The following RIPOR3 variants were observed in gnomAD, a reference collection of about 807,000 sequenced individuals.
RIPOR3 encodes the protein family with sequence similarity 65 member C.
Under a neutral mutation model 114.3 loss-of-function variants are expected in RIPOR3, and 95 were observed. The observed-to-expected ratio is 0.83, with a 90% CI of 0.70 to 0.99. The LOEUF (loss-of-function observed/expected upper bound fraction) is 0.99, where lower values mean the gene tolerates loss of function less well. Ranked by LOEUF, RIPOR3 falls within the 50% of genes least tolerant of loss-of-function variation. The pLI, the probability that RIPOR3 is intolerant of heterozygous loss-of-function variation, is 0.00. For synonymous variants in RIPOR3, 575 were observed against 543.8 expected, an observed-to-expected ratio of 1.06 and a Z score of -0.80; for missense variants, 1,252 against 1,266.9, an observed-to-expected ratio of 0.99 and a Z score of 0.18.
At chr20:50,628,197 C>G (rs1453321313) in intron 2 of RIPOR3, among the ~76,000 whole-genome samples, 1 of 152,188 alleles carries the variant, frequency 6.6e-6, no homozygotes, top group African/African-American at 2.4e-5. Context: ...GTGCCTTTCT[C>G]AGGCAGCACC....
intron 1 of RIPOR3, among the ~76,000 whole-genome samples, chr20:50,658,803 G>A (rs549960812): frequency 6.6e-6 from 1 of 152,288 alleles, no homozygotes; most frequent in East Asian, 1.9e-4. Flanking sequence ...AAGGCTCAGA[G>A]AGATGAAACA....
intron 1 of RIPOR3, among the ~76,000 whole-genome samples, chr20:50,666,221 T>TCCCTTTCCCTTTCCCTTTCC (rs2086227145): frequency 1.5e-5 from 2 of 130,248 alleles, no homozygotes; most frequent in African/African-American, 6.1e-5. Flanking sequence ...TCTTTTCTTT[T>TCCCTTTCCCTTTCCCTTTCC]CTTTTTTGAG....
rs747564128 is a variant in RIPOR3 at position 50,608,654 on chromosome 20, TCTC to T, written c.766_768del (p.Glu256del). 1.9e-6 allele frequency: 3 copies of T among 1,613,890 alleles called. No homozygotes were observed. The highest frequency in any genetic ancestry group is 2.5e-6 in the Non-Finnish European group (3 of 1,179,918). On this transcript the variant is annotated inframe_deletion, in exon 10 of 22. Coordinates refer to ENST00000327979, the MANE Select transcript of RIPOR3 (RefSeq NM_001290268.2). ...TCATGCAGCGTGGGGATGAAGGCCTTCTCCTCTTCGTCCCAGGTCTGGCTGTCA... is the reference window on the plus strand; with the variant it reads ...TCATGCAGCGTGGGGATGAAGGCCTTCTCTTCGTCCCAGGTCTGGCTGTCA...
intron 11 of RIPOR3, among the ~76,000 whole-genome samples, chr20:50,607,493 CAGA>C: frequency 6.6e-6 from 1 of 152,282 alleles, no homozygotes; most frequent in Middle Eastern, 3.4e-3. Context: ...CTGGCCTGAC[CAGA>C]AGGCCTAGAG....
At chr20:50,608,988 C>T in intron 8 of RIPOR3, 33 bp from the exon 9 acceptor site, 5 of 1,557,454 alleles carry the variant, frequency 3.2e-6, no homozygotes, top group South Asian at 1.2e-5. Flanking sequence ...CTCCCCTCCG[C>T]CTTCCACTCT....
chr20:50,611,154 C>T, intron 5 of RIPOR3, 27 bp downstream of exon 5: 2 of 1,614,168 alleles, frequency 1.2e-6, no homozygotes, highest in South Asian at 1.1e-5. Context: ...AGGCCCAGCC[C>T]ACCTCACTCA....
At chr20:50,643,573 T>TG (rs2123343889) in intron 1 of RIPOR3, among the ~76,000 whole-genome samples, 1 of 152,144 alleles carries the variant, frequency 6.6e-6, no homozygotes, top group Admixed American at 6.5e-5. Flanking sequence ...CAGGACCCCC[T>TG]GAGGCTATGT....
Position 50,604,771 on chromosome 20 carries a change from C to T in RIPOR3, c.960G>A (p.Pro320=), listed in dbSNP as rs376340592. 30 of 1,607,602 alleles carry T rather than the reference C, an allele frequency of 1.9e-5. No individual in the cohort carries two copies. The highest frequency in any genetic ancestry group is 8.6e-5 in the Admixed American group (5 of 58,206). The change falls in exon 12 of 22, where the codon CCG becomes CCA. Residue 320 remains proline, a synonymous_variant. Coordinates refer to ENST00000327979, the MANE Select transcript of RIPOR3 (RefSeq NM_001290268.2). ...IKLQLEVQWN[P]FDTESFLVSP... ...ACACCAGGAAGCTCTCAGTATCAAA[C>T]GGGCTGGAGGAGAGAACAGAAGGTC...
At chr20:50,634,591 A>G (rs1200762476) in intron 1 of RIPOR3, among the ~76,000 whole-genome samples, 1 of 152,204 alleles carries the variant, frequency 6.6e-6, no homozygotes, top group Non-Finnish European at 1.5e-5. Flanking sequence ...CCAGAAAACA[A>G]TGAAGGAAAG....
intron 2 of RIPOR3, among the ~76,000 whole-genome samples, chr20:50,629,472 CG>C (rs1489633212): frequency 2.6e-5 from 4 of 152,186 alleles, no homozygotes; most frequent in South Asian, 2.1e-4. Context: ...CTGAGCTCAT[CG>C]GGCTGTGGCC....
rs139735596 is a variant in RIPOR3, at chr20:50,620,072, G to A, written c.183C>T (p.Tyr61=). 1.3e-4 allele frequency: 207 copies of A among 1,614,144 alleles called. 1 individual carries two copies. The African/African-American group carries it at 2.1e-3, about 17-fold the overall frequency. Residue 61 remains tyrosine, a synonymous_variant, in exon 3 of 22, where the codon TAC becomes TAT. Transcript: ENST00000327979. Reference sequence around the variant, plus strand: ...AGACCGACCCCTTCCGCAGCGTGCCGTACATCTTGGAGGATTTTGCAGGCA... The same window carrying A: ...AGACCGACCCCTTCCGCAGCGTGCCATACATCTTGGAGGATTTTGCAGGCA... The part of the protein sequence containing the change: ...SRMPAKSSKM[Y]GTLRKGSVCA...
chr20:50,665,765 C>T lies in RIPOR3; in HGVS notation c.3+25361G>A, dbSNP rs539376057. Among the ~76,000 whole-genome samples, 56 of 152,138 alleles carry T rather than the reference C, an allele frequency of 3.7e-4. No individual in the cohort carries two copies. In the Middle Eastern group the frequency reaches 0.01, roughly 28 times the overall value. On this transcript the variant is annotated intron_variant, in intron 1 of 21. Coordinates refer to ENST00000327979, the MANE Select transcript of RIPOR3 (RefSeq NM_001290268.2). ...TGATCCCACACCACTTTTCAGTGCA[C>T]GTAGTTACATGGAGTAGAACACAGA...
chr20:50,680,983 G>A (rs908790768), intron 1 of RIPOR3, among the ~76,000 whole-genome samples: 1 of 152,126 alleles, frequency 6.6e-6, no homozygotes, highest in African/African-American at 2.4e-5. Flanking sequence ...CAGGACTTTG[G>A]GGGGCTAAGG....
Position 50,620,354 on chromosome 20 carries a change from CG to C in RIPOR3, c.123-223del, listed in dbSNP as rs373072905. Among the ~76,000 whole-genome samples the C allele has an allele frequency of 2.7e-4, 41 of 152,216 alleles. 1 individual carries two copies. In the South Asian group the frequency reaches 8.5e-3, roughly 32 times the overall value. The stretch of plus-strand genomic sequence containing the variant: ...TAAAATTAGGATCCTGGGCCAGGTG[CG>C]GTGGCTCACACTTGTAATCCCAGCA... On this transcript the variant is annotated intron_variant, in intron 2 of 21. Transcript: ENST00000327979.
chr20:50,675,704 G>A (rs1029296658), intron 1 of RIPOR3, among the ~76,000 whole-genome samples: 2 of 152,198 alleles, frequency 1.3e-5, no homozygotes, highest in African/African-American at 2.4e-5. Flanking sequence ...CAATGCCAAC[G>A]CCCATGCTGT....
At chr20:50,604,541 A>G in intron 12 of RIPOR3, 104 bp downstream of exon 12, 1 of 1,444,376 alleles carries the variant, frequency 6.9e-7, no homozygotes, top group Non-Finnish European at 9.2e-7. Flanking sequence ...GCTGAGCCCG[A>G]GGCTTGCCAT....
chr20:50,614,269 C>T (rs1481703814), intron 4 of RIPOR3, among the ~76,000 whole-genome samples: 1 of 152,214 alleles, frequency 6.6e-6, no homozygotes, highest in African/African-American at 2.4e-5. Flanking sequence ...CTCCTGATCT[C>T]GAGTGATCCA....
chr20:50,628,780 G>C (rs1287866734), intron 2 of RIPOR3, among the ~76,000 whole-genome samples: 1 of 152,176 alleles, frequency 6.6e-6, no homozygotes, highest in Non-Finnish European at 1.5e-5. Context: ...GCGTGAACAG[G>C]GATTCCTAAG....
At chr20:50,605,930 G>A (rs757241841) in intron 11 of RIPOR3, among the ~76,000 whole-genome samples, 8 of 152,170 alleles carry the variant, frequency 5.3e-5, no homozygotes, top group Admixed American at 1.3e-4. Flanking sequence ...AAGGCTGGGC[G>A]TGGTGGCTCA....
Sources: allele counts gnomAD v4.1 joint callset (sites outside exome capture counted in the v4.1 genomes callset), GRCh38; gene constraint gnomAD v4.1.1; transcripts MANE v1.5; gene names NCBI Gene and HGNC (gene_info 2026-07-23, HGNC 2026-07-21).